Variants in TMPRSS13 observed in about 807,000 individuals in gnomAD.
TMPRSS13 encodes transmembrane serine protease 13, also known as transmembrane protease serine 13.
TMPRSS13 carries 50 observed loss-of-function variants against 68.4 expected under a neutral mutation model. The ratio of observed to expected loss-of-function variants is 0.73; its 90% confidence interval spans 0.58 to 0.93. TMPRSS13 has a LOEUF of 0.93. Among genes scored for constraint, TMPRSS13 ranks in the 40% least tolerant of loss-of-function variants. The probability of loss-of-function intolerance (pLI) is 0.00; values close to 1 mark genes in which losing one functional copy is unlikely to be tolerated. For synonymous variants in TMPRSS13, 267 were observed against 285.8 expected, an observed-to-expected ratio of 0.93 and a Z score of 0.66; for missense variants, 615 against 729.2, an observed-to-expected ratio of 0.84 and a Z score of 1.80.
At position 117,918,398 on chromosome 11, in the gene TMPRSS13, A is replaced by G; in HGVS notation, c.451+11T>C. On this transcript the variant is annotated intron_variant, in intron 2 of 12. Transcript: ENST00000524993. ...CCATCTCTCGTGGCTTCCCTACAGC[A>G]TCCCCCTTACCTGGGCTCTCCCTGG... The G allele has an allele frequency of 6.2e-7, 1 of 1,611,356 alleles. No individual in the cohort carries two copies. The highest frequency in any genetic ancestry group is 8.5e-7 in the Non-Finnish European group (1 of 1,177,942).
In TMPRSS13 at chr11:117,904,117, G is replaced by A. The variant is rs772431502; in HGVS notation, c.1382-16C>T. ...GATGTCTTGTCTTCAGTGAAGTGGG[G>A]TGGAGGAGACAGAGGATGGGAAGCC... is the stretch of plus-strand genomic sequence containing the variant. On this transcript the variant is annotated splice_polypyrimidine_tract_variant and intron_variant, in intron 10 of 12. Transcript: ENST00000524993. 5.6e-6 allele frequency: 9 copies of A among 1,612,526 alleles called. 1 individual carries two copies. In the South Asian group the frequency reaches 9.9e-5, roughly 18 times the overall value.
chr11:117,921,466 C>T (rs2134919476), intron 1 of TMPRSS13, among the ~76,000 whole-genome samples: 1 of 152,302 alleles, frequency 6.6e-6, no homozygotes, highest in Admixed American at 6.5e-5. Flanking sequence ...CTCAGGCTGT[C>T]TCTACCTGAA....
At chr11:117,912,733 C>T (rs946131401) in intron 5 of TMPRSS13, among the ~76,000 whole-genome samples, 9 of 152,206 alleles carry the variant, frequency 5.9e-5, no homozygotes, top group Admixed American at 2.6e-4. Context: ...CATGTCACAT[C>T]GTGCTGTGGT....
At position 117,914,450 on chromosome 11, in the gene TMPRSS13, G is replaced by A. The variant is rs1198073770; in HGVS notation, c.621C>T (p.His207=). 15 of 1,613,910 alleles carry A rather than the reference G, an allele frequency of 9.3e-6. No individual in the cohort carries two copies. Among genetic ancestry groups the A allele is most frequent in the South Asian group, 3.3e-5 (3 of 91,070 alleles). The change falls in exon 4 of 13, where the codon CAC becomes CAT. Residue 207 remains histidine, a synonymous_variant. Coordinates refer to ENST00000524993, the MANE Select transcript of TMPRSS13 (RefSeq NM_001077263.3). This position sits in a 1 kb window ranked among gnomAD's most constrained non-coding sequence, Gnocchi z 4.2. Reference sequence around the variant, plus strand: ...CCACCACCCCGTCACAGCGAACAGCGTGCTTGGGACAGCTCTCCCTCTGCT... The same window carrying A: ...CCACCACCCCGTCACAGCGAACAGCATGCTTGGGACAGCTCTCCCTCTGCT... ...YKEQRESCPK[H]AVRCDGVVDC...
chr11:117,906,753 G>A (rs1471220618), intron 9 of TMPRSS13, among the ~76,000 whole-genome samples: 2 of 152,194 alleles, frequency 1.3e-5, no homozygotes, highest in African/African-American at 4.8e-5. Flanking sequence ...GAGATGTAAA[G>A]TTTTAAAAAC....
intron 10 of TMPRSS13, 142 bp downstream of exon 10, chr11:117,905,496 C>G: frequency 1.7e-6 from 1 of 601,138 alleles, no homozygotes; most frequent in Non-Finnish European, 2.9e-6. Flanking sequence ...ATAATCACAC[C>G]CAGGCCCATG....
At chr11:117,908,461 T>G (rs1287283454) in intron 9 of TMPRSS13, 151 bp downstream of exon 9, 1 of 794,036 alleles carries the variant, frequency 1.3e-6, no homozygotes, top group East Asian at 2.7e-5. Context: ...AAAACAGAAG[T>G]GTTCCATGTA....
At chr11:117,908,906 G>A in intron 8 of TMPRSS13, 122 bp from the exon 9 acceptor site, 1 of 952,640 alleles carries the variant, frequency 1.0e-6, no homozygotes, top group Non-Finnish European at 1.5e-6. Context: ...TGGATAAAAT[G>A]ACCTCTGGAG....
At chr11:117,910,281 G>A (rs2057508670) in intron 7 of TMPRSS13, among the ~76,000 whole-genome samples, 1 of 152,118 alleles carries the variant, frequency 6.6e-6, no homozygotes, top group Admixed American at 6.5e-5. Flanking sequence ...CTTTTGGAGT[G>A]TCCCAAGCTT....
chr11:117,909,993 G>A (rs767522935), intron 7 of TMPRSS13, 25 bp from the exon 8 acceptor site: 22 of 1,604,840 alleles, frequency 1.4e-5, no homozygotes, highest in Non-Finnish European at 6.0e-6. Flanking sequence ...TAGACGTACT[G>A]TGAACCCTGT....
rs544860432 is a variant in TMPRSS13, at chr11:117,924,077, C to T, written c.21+5210G>A. ...AAACCCTCTAAGCTGGGCGTGGTGG[C>T]GCCGGCCTGTAGTCCCAGCTACTTG... On this transcript the variant is annotated intron_variant, in intron 1 of 12. Coordinates refer to ENST00000524993, the MANE Select transcript of TMPRSS13 (RefSeq NM_001077263.3). 1.5e-4 allele frequency among the ~76,000 whole-genome samples: 23 copies of T among 151,160 alleles called. No homozygotes were observed. In the South Asian group the frequency reaches 2.9e-3, roughly 19 times the overall value.
chr11:117,917,371 C>T (rs572909338), intron 2 of TMPRSS13, 97 bp from the exon 3 acceptor site: 33 of 844,508 alleles, frequency 3.9e-5, no homozygotes, highest in African/African-American at 8.4e-5. Flanking sequence ...AGGAGGGCCC[C>T]GTGAGGACCA....
chr11:117,916,263 C>A (rs1180088115), intron 3 of TMPRSS13, among the ~76,000 whole-genome samples: 1 of 152,220 alleles, frequency 6.6e-6, no homozygotes, highest in Non-Finnish European at 1.5e-5. Context: ...TTTGGTTAGG[C>A]GGGTCCCTTC....
intron 10 of TMPRSS13, among the ~76,000 whole-genome samples, chr11:117,905,041 C>T (rs367675148): frequency 1.3e-5 from 2 of 151,280 alleles, no homozygotes; most frequent in African/African-American, 4.9e-5. Flanking sequence ...ACTACAGGCA[C>T]ACATCACCAT....
chr11:117,914,389 T>TA lies in TMPRSS13; in HGVS notation c.679+2dup, dbSNP rs1461738463. ...CGCGCTCCCCCGCACCCAGCCTCCTTACCGCAGCCCAGCTCGTCACTCTTC... is the reference window on the plus strand; with the variant it reads ...CGCGCTCCCCCGCACCCAGCCTCCTTAACCGCAGCCCAGCTCGTCACTCTTC... On this transcript the variant is annotated splice_region_variant and intron_variant, in intron 4 of 12. Coordinates refer to ENST00000524993, the MANE Select transcript of TMPRSS13 (RefSeq NM_001077263.3). This position sits in a 1 kb window ranked among gnomAD's most constrained non-coding sequence, Gnocchi z 4.2. The TA allele has an allele frequency of 6.2e-7, 1 of 1,613,470 alleles. No individual in the cohort carries two copies. Among genetic ancestry groups the TA allele is most frequent in the Admixed American group, 1.7e-5 (1 of 59,992 alleles).
intron 1 of TMPRSS13, among the ~76,000 whole-genome samples, chr11:117,921,303 A>T (rs1401816953): frequency 1.3e-5 from 2 of 152,178 alleles, no homozygotes; most frequent in South Asian, 2.1e-4. Context: ...TTTGATTCTC[A>T]CAAGTCTCTC....
chr11:117,917,331 G>C, intron 2 of TMPRSS13, 57 bp from the exon 3 acceptor site: 1 of 1,381,760 alleles, frequency 7.2e-7, no homozygotes, highest in Non-Finnish European at 1.0e-6. Flanking sequence ...CGACGAGATG[G>C]AGAGGGTGGG....
In TMPRSS13 at chr11:117,908,802, GA is replaced by G; in HGVS notation, c.1110-19del. 2 of 1,586,318 alleles carry G rather than the reference GA, an allele frequency of 1.3e-6. No homozygotes were observed. Among genetic ancestry groups the G allele is most frequent in the Non-Finnish European group, 8.6e-7 (1 of 1,167,560 alleles). ...CCCGGGTCCTGCAAGAGCCACAAAG[GA>G]GCGTGGTCCAGTACCTGCCTGGCAG... On this transcript the variant is annotated intron_variant, in intron 8 of 12. Coordinates refer to ENST00000524993, the MANE Select transcript of TMPRSS13 (RefSeq NM_001077263.3).
chr11:117,920,794 G>A (rs1427636516), intron 1 of TMPRSS13, among the ~76,000 whole-genome samples: 1 of 152,164 alleles, frequency 6.6e-6, no homozygotes, highest in African/African-American at 2.4e-5. Context: ...ACACCCAGCC[G>A]ATAGTGGGGT....
Sources: gnomAD v4.1 joint callset for allele counts (sites outside exome capture counted in the v4.1 genomes callset) on GRCh38, gnomAD v4.1.1 for gene constraint, Gnocchi (gnomAD v3.1) non-coding constraint, MANE v1.5 for transcripts, NCBI Gene and HGNC (gene_info 2026-07-23, HGNC 2026-07-21) for gene names.